CDH12: variants seen among roughly 807,000 people sequenced by gnomAD.
CDH12 encodes cadherin-12.
CDH12 carries 41 observed loss-of-function variants against 74.1 expected under a neutral mutation model. The observed-to-expected ratio is 0.55, with a 90% CI of 0.43 to 0.72. The LOEUF is 0.72. CDH12 is among the 30% of genes least tolerant of loss of function. CDH12 has a pLI of 0.00. For synonymous variants in CDH12, 399 were observed against 355.0 expected, an observed-to-expected ratio of 1.12 and a Z score of -1.39; for missense variants, 945 against 977.2, an observed-to-expected ratio of 0.97 and a Z score of 0.44.
chr5:22,597,613 T>C (rs544190972), intron 1 of CDH12, among the ~76,000 whole-genome samples: 1 of 152,322 alleles, frequency 6.6e-6, no homozygotes, highest in Admixed American at 6.5e-5. Flanking sequence ...AATCTGTTTG[T>C]TTCACTTATA....
intron 2 of CDH12, among the ~76,000 whole-genome samples, chr5:22,450,450 G>C (rs982611429): frequency 6.6e-6 from 1 of 151,896 alleles, no homozygotes; most frequent in South Asian, 2.1e-4. Flanking sequence ...GCTGAAGCCA[G>C]AAATATGACA....
chr5:22,435,524 G>GTGTGTGTGTGTGTA (rs148027987), intron 2 of CDH12, among the ~76,000 whole-genome samples: 32 of 148,824 alleles, frequency 2.2e-4, no homozygotes, highest in African/African-American at 7.2e-4. Flanking sequence ...GTGTGTGTGT[G>GTGTGTGTGTGTGTA]TATATACATA....
At chr5:22,318,825 T>C (rs977282552) in intron 3 of CDH12, among the ~76,000 whole-genome samples, 1 of 152,148 alleles carries the variant, frequency 6.6e-6, no homozygotes, top group Non-Finnish European at 1.5e-5. Flanking sequence ...ATCATTTACA[T>C]ATTGTGATCA....
At chr5:21,883,620 A>G in intron 6 of CDH12, 2 of 1,610,456 alleles carry the variant, frequency 1.2e-6, no homozygotes, top group South Asian at 2.2e-5. Context: ...TGACTTAGGA[A>G]AAGTTGGAGA....
At chr5:22,505,455 C>A (rs1736343171) in intron 1 of CDH12, 91 bp from the exon 2 acceptor site, 3 of 360,544 alleles carry the variant, frequency 8.3e-6, no homozygotes, top group Admixed American at 6.5e-5. Flanking sequence ...TTAAAAGTTG[C>A]AAAGATGGTA....
chr5:22,116,917 G>A (rs933904299), intron 4 of CDH12, among the ~76,000 whole-genome samples: 1 of 137,940 alleles, frequency 7.2e-6, no homozygotes, highest in African/African-American at 2.7e-5. Flanking sequence ...CATCATTACT[G>A]GTTTCCAAGT....
chr5:22,664,685 T>C (rs1740520950), intron 1 of CDH12, among the ~76,000 whole-genome samples: 1 of 152,130 alleles, frequency 6.6e-6, no homozygotes, highest in South Asian at 2.1e-4. Flanking sequence ...AATTCTCTGT[T>C]AAACCATCAC....
chr5:22,023,732 A>G (rs1738158133), intron 5 of CDH12, among the ~76,000 whole-genome samples: 1 of 152,178 alleles, frequency 6.6e-6, no homozygotes. Context: ...AAGCTTGGGT[A>G]ACCTGAGTTA....
chr5:22,709,395 T>C (rs542749046), intron 1 of CDH12, among the ~76,000 whole-genome samples: 13 of 152,238 alleles, frequency 8.5e-5, no homozygotes, highest in African/African-American at 3.1e-4. Flanking sequence ...CAGGGAGCAA[T>C]TGAGCCATCC....
Position 21,975,316 on chromosome 5 carries a change from C to G in CDH12, c.301G>C (p.Val101Leu), listed in dbSNP as rs556552265. 6.3e-7 allele frequency: 1 copy of G among 1,597,162 alleles called. No homozygotes were observed. The highest frequency in any genetic ancestry group is 2.2e-5 in the East Asian group (1 of 44,846). Reference sequence around the variant, plus strand: ...CCTGTGGTTTCATCAATGGTAAAAACGGTGCCAGCGCCATCTCCTGAGAGG... The same window carrying G: ...CCTGTGGTTTCATCAATGGTAAAAAGGGTGCCAGCGCCATCTCCTGAGAGG... ...YTLSGDGAGTVFTIDETTGDI... is the reference protein window; with the variant it reads ...YTLSGDGAGTLFTIDETTGDI... Residue 101 changes from valine to leucine, a missense_variant, in exon 6 of 15, where the codon GTT (valine) becomes CTT (leucine). Around this residue, in one of 3 missense-constraint regions of CDH12, gnomAD observed 148 missense variants for 162.8 expected, o/e 0.91. Coordinates refer to ENST00000382254, the MANE Select transcript of CDH12 (RefSeq NM_004061.5).
intron 2 of CDH12, among the ~76,000 whole-genome samples, chr5:22,492,581 T>C (rs1478933350): frequency 1.3e-5 from 2 of 152,010 alleles, no homozygotes; most frequent in Admixed American, 1.3e-4. Context: ...TCCTGACCTC[T>C]GGTGATCCAC....
At chr5:22,683,002 C>A (rs1352170653) in intron 1 of CDH12, among the ~76,000 whole-genome samples, 6 of 152,150 alleles carry the variant, frequency 3.9e-5, no homozygotes, top group African/African-American at 1.4e-4. Context: ...TATTTTTCTA[C>A]AGTTTTCAAA....
intron 3 of CDH12, among the ~76,000 whole-genome samples, chr5:22,367,011 A>C (rs368883079): frequency 1.3e-5 from 2 of 152,216 alleles, no homozygotes; most frequent in Non-Finnish European, 1.5e-5. Flanking sequence ...TCTTTTATTC[A>C]TGTTTCACTT....
chr5:22,652,683 A>C (rs1211617819), intron 1 of CDH12, among the ~76,000 whole-genome samples: 1 of 152,196 alleles, frequency 6.6e-6, no homozygotes, highest in Non-Finnish European at 1.5e-5. Context: ...ACAAGTACAA[A>C]TTAGAAAAAA....
At chr5:22,390,014 TACACACACAC>T (rs70959727) in intron 3 of CDH12, among the ~76,000 whole-genome samples, 27 of 150,010 alleles carry the variant, frequency 1.8e-4, no homozygotes, top group African/African-American at 6.6e-4. Flanking sequence ...GTAGTCAGAA[TACACACACAC>T]ACACACACAC....
At chr5:22,676,658 A>G (rs528841690) in intron 1 of CDH12, among the ~76,000 whole-genome samples, 5 of 152,344 alleles carry the variant, frequency 3.3e-5, no homozygotes, top group Admixed American at 6.5e-5. Context: ...ATAATACAGA[A>G]TATCTTCAAA....
intron 4 of CDH12, among the ~76,000 whole-genome samples, chr5:22,130,111 C>T (rs1269321978): frequency 6.7e-6 from 1 of 149,376 alleles, no homozygotes; most frequent in Non-Finnish European, 1.5e-5. Context: ...GACTAGACCT[C>T]ACAAAAATAC....
intron 1 of CDH12, among the ~76,000 whole-genome samples, chr5:22,570,277 G>A (rs1245704621): frequency 6.6e-6 from 1 of 151,860 alleles, no homozygotes; most frequent in Non-Finnish European, 1.5e-5. Flanking sequence ...TTGAACTCCT[G>A]ATCTCAAGTG....
intron 6 of CDH12, among the ~76,000 whole-genome samples, chr5:21,915,115 A>G (rs1409496074): frequency 6.6e-6 from 1 of 152,184 alleles, no homozygotes; most frequent in Non-Finnish European, 1.5e-5. Context: ...AAAAGCAACC[A>G]GTAGTCCTGA....
Sources: gnomAD v4.1 joint callset for allele counts (sites outside exome capture counted in the v4.1 genomes callset) on GRCh38, gnomAD v4.1.1 for gene constraint, gnomAD v4.1.1 regional missense constraint, MANE v1.5 for transcripts, NCBI Gene and HGNC (gene_info 2026-07-23, HGNC 2026-07-21) for gene names.